ATP6V0A2: variants seen among roughly 807,000 people sequenced by gnomAD.
ATP6V0A2 encodes the protein ATPase H+ transporting V0 subunit a2.
A neutral mutation model predicts 104.4 loss-of-function variants in ATP6V0A2; 58 were observed. That is an observed-to-expected ratio of 0.56 (90% CI 0.45 to 0.69). The LOEUF (loss-of-function observed/expected upper bound fraction) is 0.69. Among genes scored for constraint, ATP6V0A2 ranks in the 30% least tolerant of loss-of-function variants. The pLI, the probability that ATP6V0A2 is intolerant of heterozygous loss-of-function variation, is 0.00. For synonymous variants in ATP6V0A2, 376 were observed against 397.9 expected (o/e 0.95, Z 0.65); for missense variants, 938 against 1,062.9 (o/e 0.88, Z 1.63).
At chr12:123,740,371 A>G (rs1956597591) in intron 9 of ATP6V0A2, among the ~76,000 whole-genome samples, 1 of 151,968 alleles carries the variant, frequency 6.6e-6, no homozygotes, top group African/African-American at 2.4e-5. Flanking sequence ...TGCCTGGCTA[A>G]TTTTTGTGTG....
intron 14 of ATP6V0A2, 45 bp downstream of exon 14, chr12:123,747,770 G>A: frequency 7.5e-7 from 1 of 1,325,274 alleles, no homozygotes; most frequent in African/African-American, 1.4e-5. Context: ...AACCAAACTT[G>A]GCATTTCTTC....
At chr12:123,724,369 C>CA (rs11326601) in intron 3 of ATP6V0A2, 13 of 330,018 alleles carry the variant, frequency 3.9e-5, no homozygotes, top group Admixed American at 1.4e-4. Context: ...ACTAACAATA[C>CA]AAAAAAAAAT....
chr12:123,746,003 C>G (rs139860067), intron 13 of ATP6V0A2, among the ~76,000 whole-genome samples: 2 of 152,298 alleles, frequency 1.3e-5, no homozygotes, highest in African/African-American at 2.4e-5. Flanking sequence ...ATTCTTATCT[C>G]TAATCATGAT....
intron 3 of ATP6V0A2, chr12:123,723,368 T>C (rs1319948096): frequency 2.0e-5 from 3 of 152,206 alleles, no homozygotes; most frequent in Admixed American, 2.0e-4. Context: ...GACTCAATGA[T>C]TTGCCTTACG....
chr12:123,756,622 C>G, intron 18 of ATP6V0A2, 193 bp from the exon 19 acceptor site: 1 of 606,518 alleles, frequency 1.6e-6, no homozygotes, highest in East Asian at 2.8e-5. Flanking sequence ...CCAGGTCTTC[C>G]TTAGTGTTTG....
chr12:123,755,345 C>G (rs143123194), intron 18 of ATP6V0A2, among the ~76,000 whole-genome samples: 1 of 152,000 alleles, frequency 6.6e-6, no homozygotes, highest in African/African-American at 2.4e-5. Flanking sequence ...TGACACCAGT[C>G]TGACCAGCAT....
At chr12:123,738,457 C>A (rs1039415531) in intron 9 of ATP6V0A2, among the ~76,000 whole-genome samples, 1 of 151,864 alleles carries the variant, frequency 6.6e-6, no homozygotes, top group African/African-American at 2.4e-5. Flanking sequence ...TCATATTCTG[C>A]AGCCATTTTC....
intron 2 of ATP6V0A2, among the ~76,000 whole-genome samples, chr12:123,720,857 C>A (rs944445083): frequency 6.6e-6 from 1 of 151,916 alleles, no homozygotes; most frequent in African/African-American, 2.4e-5. Flanking sequence ...ATAGTGAGAC[C>A]CCTGTCTCTT....
At chr12:123,739,558 G>A (rs149042468) in intron 9 of ATP6V0A2, among the ~76,000 whole-genome samples, 18 of 152,248 alleles carry the variant, frequency 1.2e-4, no homozygotes, top group African/African-American at 3.9e-4. Flanking sequence ...TGTGCCAGGC[G>A]GAAGCGGGGA....
intron 6 of ATP6V0A2, 113 bp downstream of exon 6, chr12:123,728,022 A>C: frequency 7.2e-7 from 1 of 1,392,068 alleles, no homozygotes; most frequent in Non-Finnish European, 1.0e-6. Context: ...TGTTAACCTG[A>C]TGCCTTATCT....
chr12:123,757,962 G>T lies in ATP6V0A2; in HGVS notation c.2501G>T (p.Gly834Val). Residue 834 changes from glycine to valine, a missense_variant, in exon 20 of 20, where the codon GGC (glycine) becomes GTC (valine). Physicochemically the swap from Gly to Val is moderately radical, Grantham distance 109 (BLOSUM62 -3). Transcript: ENST00000330342. ...CAGAACAAATTCTACGTTGGTGCAG[G>T]CACCAAATTTGTTCCTTTCTCATTC... Reference protein sequence around the residue: ...EFQNKFYVGAGTKFVPFSFSL... With the variant: ...EFQNKFYVGAVTKFVPFSFSL... 1 of 1,610,364 alleles carries T rather than the reference G, an allele frequency of 6.2e-7. No individual in the cohort carries two copies. Among genetic ancestry groups the T allele is most frequent in the Non-Finnish European group, 8.5e-7 (1 of 1,179,000 alleles).
intron 4 of ATP6V0A2, among the ~76,000 whole-genome samples, chr12:123,725,496 G>A (rs957488738): frequency 7.2e-5 from 11 of 152,162 alleles, no homozygotes; most frequent in Non-Finnish European, 1.5e-4. Context: ...TCTAAGACTA[G>A]GTCAGACACA....
At chr12:123,729,108 A>G (rs1261518321) in intron 6 of ATP6V0A2, among the ~76,000 whole-genome samples, 1 of 151,848 alleles carries the variant, frequency 6.6e-6, no homozygotes, top group Non-Finnish European at 1.5e-5. Context: ...TTTATTTCCT[A>G]TTTTATTTGA....
intron 5 of ATP6V0A2, among the ~76,000 whole-genome samples, chr12:123,726,647 T>C (rs780814550): frequency 5.3e-5 from 8 of 152,244 alleles, no homozygotes; most frequent in Non-Finnish European, 8.8e-5. Context: ...TTAATCATAT[T>C]TTAAAGATCT....
At chr12:123,753,317 T>C (rs527360569) in intron 17 of ATP6V0A2, among the ~76,000 whole-genome samples, 18 of 152,382 alleles carry the variant, frequency 1.2e-4, no homozygotes, top group Non-Finnish European at 2.1e-4. Context: ...GACTGCTATC[T>C]TAGTCCGCTG....
rs1478573860 is a variant in ATP6V0A2 at position 123,759,771 on chromosome 12, A to C, written c.*1739A>C. The C allele has an allele frequency of 6.6e-6, 1 of 152,220 alleles. No homozygotes were observed. The highest frequency in any genetic ancestry group is 1.5e-5 in the Non-Finnish European group (1 of 68,044). 9.4% of individuals were successfully genotyped at this position (152,220 alleles called of 1,614,324 possible). ...AACAGCGTTGACACAGCCGTGACTTACAATTAAACCCTTTCAATTACAGTA... is the reference window on the plus strand; with the variant it reads ...AACAGCGTTGACACAGCCGTGACTTCCAATTAAACCCTTTCAATTACAGTA... On this transcript the variant is annotated 3_prime_UTR_variant, in exon 20 of 20. Transcript: ENST00000330342.
chr12:123,735,554 A>G lies in ATP6V0A2; in HGVS notation c.755A>G (p.Tyr252Cys). The part of the protein sequence containing the change: ...CDCYHCHVYP[Y>C]PNTAEERREI... ...AGCTACCACTGCCACGTGTACCCCTATCCAAACACAGCCGAGGAGCGGAGG... is the reference window on the plus strand; with the variant it reads ...AGCTACCACTGCCACGTGTACCCCTGTCCAAACACAGCCGAGGAGCGGAGG... Residue 252 changes from tyrosine (Y) to cysteine (C), a missense_variant, in exon 8 of 20, where the codon TAT becomes TGT. By Grantham distance (194) the Tyr-to-Cys change is radical. Coordinates refer to ENST00000330342, the MANE Select transcript of ATP6V0A2 (RefSeq NM_012463.4). 2 of 1,613,812 alleles carry G rather than the reference A, an allele frequency of 1.2e-6. No individual in the cohort carries two copies. The highest frequency in any genetic ancestry group is 2.2e-5 in the East Asian group (1 of 44,874).
intron 13 of ATP6V0A2, among the ~76,000 whole-genome samples, chr12:123,746,639 TA>T (rs760374381): frequency 0.035 from 2,885 of 83,572 alleles, 88 homozygotes; most frequent in African/African-American, 0.1. Context: ...CCCCTTACCT[TA>T]AAAAAAAAAA....
intron 9 of ATP6V0A2, among the ~76,000 whole-genome samples, chr12:123,741,179 C>A (rs1956605621): frequency 6.6e-6 from 1 of 152,096 alleles, no homozygotes; most frequent in Admixed American, 6.6e-5. Flanking sequence ...CGCTGGTAAT[C>A]CCAGCACTCT....
Sources: allele counts gnomAD v4.1 joint callset (sites outside exome capture counted in the v4.1 genomes callset), GRCh38; gene constraint gnomAD v4.1.1; transcripts MANE v1.5; gene names NCBI Gene and HGNC (gene_info 2026-07-23, HGNC 2026-07-21).